ABLIM1: variants seen among roughly 807,000 people sequenced by gnomAD.
ABLIM1 encodes actin binding LIM protein 1.
In ABLIM1, 40 loss-of-function variants were observed where a neutral mutation model predicts 107.0. That is an observed-to-expected ratio of 0.37 (90% CI 0.29 to 0.49). The LOEUF (loss-of-function observed/expected upper bound fraction) is 0.49. ABLIM1 is among the 20% of genes least tolerant of loss of function. The pLI, the probability that ABLIM1 is intolerant of heterozygous loss-of-function variation, is 0.97. For synonymous variants in ABLIM1, 357 were observed against 357.3 expected, an observed-to-expected ratio of 1.00 and a Z score of 0.01; for missense variants, 857 against 1,008.5, an observed-to-expected ratio of 0.85 and a Z score of 2.04.
chr10:114,532,843 C>T (rs1263426734), intron 6 of ABLIM1, among the ~76,000 whole-genome samples: 1 of 152,174 alleles, frequency 6.6e-6, no homozygotes, highest in African/African-American at 2.4e-5. Context: ...AGCAGAGGCA[C>T]AACCCAGATT....
At chr10:114,762,466 C>G (rs7912645) in intron 1 of ABLIM1, among the ~76,000 whole-genome samples, 98,490 of 152,118 alleles carry the variant, frequency 0.65, 31,903 homozygotes, top group African/African-American at 0.68. Context: ...TCAGATAAAT[C>G]AATAAAAATC....
chr10:114,691,078 C>T (rs1358940690), intron 1 of ABLIM1, among the ~76,000 whole-genome samples: 1 of 152,096 alleles, frequency 6.6e-6, no homozygotes, highest in Non-Finnish European at 1.5e-5. Flanking sequence ...GAGATAAGGA[C>T]AATTATGAAT....
chr10:114,798,789 AT>A, the ABLIM1 span, among the ~76,000 whole-genome samples: 13 of 151,382 alleles, frequency 8.6e-5, no homozygotes, highest in East Asian at 3.9e-4. Context: ...GTATATATGT[AT>A]TTTTTTTAAT....
chr10:114,744,013 T>C (rs1396745276), intron 1 of ABLIM1, among the ~76,000 whole-genome samples: 1 of 152,188 alleles, frequency 6.6e-6, no homozygotes, highest in Non-Finnish European at 1.5e-5. Flanking sequence ...GAATGCAGCC[T>C]GTAATGGCAG....
intron 4 of ABLIM1, among the ~76,000 whole-genome samples, chr10:114,565,604 C>T (rs569348078): frequency 6.6e-6 from 1 of 151,958 alleles, no homozygotes; most frequent in African/African-American, 2.4e-5. Flanking sequence ...ATCTTTCCTA[C>T]GCTCCCTTGG....
chr10:114,641,247 TAAAA>T (rs35168530), intron 1 of ABLIM1, among the ~76,000 whole-genome samples: 5 of 37,056 alleles, frequency 1.3e-4, no homozygotes, highest in Admixed American at 3.8e-4. Context: ...AAGCCAATCA[TAAAA>T]AAAAAAAAAA....
At position 114,440,108 on chromosome 10, in the gene ABLIM1, G is replaced by T. The variant is rs753883312; in HGVS notation, c.2060-19C>A. 1 of 1,606,490 alleles carries T rather than the reference G, an allele frequency of 6.2e-7. No homozygotes were observed. The highest frequency in any genetic ancestry group is 1.1e-5 in the South Asian group (1 of 90,896). ...TGGTAATCTGAAAAGGAAAGGAAAAGAAAATATCATAAGGGAAAGACCATG... is the reference window on the plus strand; with the variant it reads ...TGGTAATCTGAAAAGGAAAGGAAAATAAAATATCATAAGGGAAAGACCATG... On this transcript the variant is annotated intron_variant, in intron 19 of 22. Transcript: ENST00000533213.
chr10:114,777,695 T>A, the ABLIM1 span, among the ~76,000 whole-genome samples: 1 of 152,274 alleles, frequency 6.6e-6, no homozygotes, highest in African/African-American at 2.4e-5. Context: ...CTACACTAGT[T>A]TATAATCTGT....
intron 1 of ABLIM1, among the ~76,000 whole-genome samples, chr10:114,637,059 G>A (rs1398331429): frequency 2.6e-5 from 3 of 115,030 alleles, no homozygotes; most frequent in Non-Finnish European, 5.8e-5. Context: ...AAAAAAAAAA[G>A]AGTGTGGAGG....
At chr10:114,527,372 C>A (rs1289984516) in intron 6 of ABLIM1, among the ~76,000 whole-genome samples, 1 of 152,210 alleles carries the variant, frequency 6.6e-6, no homozygotes, top group African/African-American at 2.4e-5. Flanking sequence ...TCTTATCAAG[C>A]TTTCTTGATT....
At chr10:114,748,829 T>G (rs1447345123) in intron 1 of ABLIM1, among the ~76,000 whole-genome samples, 2 of 151,894 alleles carry the variant, frequency 1.3e-5, no homozygotes, top group Non-Finnish European at 2.9e-5. Flanking sequence ...GCTAATTTTA[T>G]TTTTTAATGT....
intron 1 of ABLIM1, among the ~76,000 whole-genome samples, chr10:114,718,043 GAGAA>G (rs60775863): frequency 0.023 from 1,752 of 76,870 alleles, 95 homozygotes; most frequent in African/African-American, 0.093. Flanking sequence ...GAAAGAGAAA[GAGAA>G]AGAAAGAAAG....
In ABLIM1 at chr10:114,491,832, CA is replaced by C; in HGVS notation, c.940del (p.Cys314AlafsTer63). On this transcript the variant is annotated frameshift_variant, in exon 7 of 23. Transcript: ENST00000533213. LOFTEE classifies it high-confidence loss of function. ...CTCTCCTTCTGTGAACATCTGGTTG[CA>C]TCTGCTGCATCGTGCACAGCTGGGG... The part of the protein sequence containing the change: ...YHPSCARCSR[C>X]NQMFTEGEEM... 6.2e-7 allele frequency: 1 copy of C among 1,612,542 alleles called. No homozygotes were observed. Among genetic ancestry groups the C allele is most frequent in the Non-Finnish European group, 8.5e-7 (1 of 1,178,706 alleles).
At chr10:114,530,832 C>A (rs1393657337) in intron 6 of ABLIM1, among the ~76,000 whole-genome samples, 4 of 152,148 alleles carry the variant, frequency 2.6e-5, no homozygotes, top group Admixed American at 6.5e-5. Flanking sequence ...CCACACCCAG[C>A]CAGAAATAGG....
At chr10:114,530,359 G>A (rs2065321164) in intron 6 of ABLIM1, among the ~76,000 whole-genome samples, 1 of 151,974 alleles carries the variant, frequency 6.6e-6, no homozygotes, top group African/African-American at 2.4e-5. Context: ...ACTGATGAAG[G>A]CCCAGTCTGG....
At chr10:114,753,837 G>GT (rs767310049) in intron 1 of ABLIM1, among the ~76,000 whole-genome samples, 90 of 152,082 alleles carry the variant, frequency 5.9e-4, no homozygotes, top group Non-Finnish European at 6.0e-4. Flanking sequence ...TGGTCAGTTT[G>GT]TTTTTTTGTT....
At chr10:114,558,487 A>G (rs1409516015) in intron 4 of ABLIM1, among the ~76,000 whole-genome samples, 1 of 152,162 alleles carries the variant, frequency 6.6e-6, no homozygotes, top group East Asian at 1.9e-4. Flanking sequence ...CACACCTGCT[A>G]CTGCAATCAG....
At chr10:114,763,931 A>G (rs1407639488) in intron 1 of ABLIM1, among the ~76,000 whole-genome samples, 1 of 152,134 alleles carries the variant, frequency 6.6e-6, no homozygotes, top group African/African-American at 2.4e-5. Context: ...GACTCTTATG[A>G]TCCTGCCATA....
chr10:114,670,638 A>T (rs578100732), intron 1 of ABLIM1, among the ~76,000 whole-genome samples: 2 of 152,270 alleles, frequency 1.3e-5, no homozygotes, highest in South Asian at 4.1e-4. Flanking sequence ...TACTACAGGC[A>T]TGTGCCACCA....
Sources: gnomAD v4.1 joint callset for allele counts (sites outside exome capture counted in the v4.1 genomes callset) on GRCh38, gnomAD v4.1.1 for gene constraint, MANE v1.5 for transcripts, NCBI Gene and HGNC (gene_info 2026-07-23, HGNC 2026-07-21) for gene names.